ASTN2: variants seen among roughly 807,000 people sequenced by gnomAD.
ASTN2 encodes the protein astrotactin-2.
ASTN2 carries 54 observed loss-of-function variants against 139.8 expected under a neutral mutation model. The ratio of observed to expected loss-of-function variants is 0.39; its 90% CI spans 0.31 to 0.48. The LOEUF (loss-of-function observed/expected upper bound fraction) is 0.48. Among genes scored for constraint, ASTN2 ranks in the 20% least tolerant of loss-of-function variants. ASTN2 has a pLI of 0.95. For missense variants in ASTN2, 1,565 were observed against 1,725.1 expected (o/e 0.91, Z 1.64); for synonymous variants, 756 against 719.5 (o/e 1.05, Z -0.81).
chr9:117,279,636 G>T (rs529309127), intron 2 of ASTN2, among the ~76,000 whole-genome samples: 133 of 152,270 alleles, frequency 8.7e-4, no homozygotes, highest in African/African-American at 3.2e-3. Flanking sequence ...TATTTTGAAA[G>T]AATTATAGAC....
intron 20 of ASTN2, among the ~76,000 whole-genome samples, chr9:116,458,323 G>A (rs1241584806): frequency 6.6e-6 from 1 of 151,756 alleles, no homozygotes; most frequent in East Asian, 1.9e-4. Flanking sequence ...AGTGACTACA[G>A]TCAACAATTT....
rs117251951 is a variant in ASTN2 at position 117,323,278 on chromosome 9, C to A, written c.443-31765G>T. 2.1e-4 allele frequency among the ~76,000 whole-genome samples: 32 copies of A among 152,208 alleles called. No individual in the cohort carries two copies. The East Asian group carries it at 6.2e-3, about 29-fold the overall frequency. On this transcript the variant is annotated intron_variant, in intron 1 of 22. Transcript: ENST00000313400. The stretch of plus-strand genomic sequence containing the variant: ...TCTGTGCACAGTCTGTCTGCCCCAC[C>A]TCTGACCCCCCAAAGCCTCATTCTC...
intron 1 of ASTN2, among the ~76,000 whole-genome samples, chr9:117,335,485 A>G (rs376901500): frequency 4.6e-5 from 7 of 152,302 alleles, no homozygotes; most frequent in African/African-American, 1.7e-4. Context: ...TGTATGATGC[A>G]AATTATCTGA....
chr9:117,401,356 A>G lies in ASTN2; in HGVS notation c.442+13141T>C, dbSNP rs140025461. ...ATTGAGATAGCTGAGAGTGTGGTGT[A>G]TAAGGGTGCTACTTTGGTCCGGGAA... On this transcript the variant is annotated intron_variant, in intron 1 of 22. Transcript: ENST00000313400. Among the ~76,000 whole-genome samples the G allele has an allele frequency of 1.8e-3, 278 of 152,314 alleles. 2 individuals are homozygous for G. Among genetic ancestry groups the G allele is most frequent in the African/African-American group, 6.3e-3 (260 of 41,568 alleles).
At chr9:117,048,537 ATGGAATGGGG>A (rs1157780874) in intron 5 of ASTN2, among the ~76,000 whole-genome samples, 1 of 152,180 alleles carries the variant, frequency 6.6e-6, no homozygotes, top group Non-Finnish European at 1.5e-5. Context: ...GGCAGCTGAC[ATGGAATGGGG>A]CTACAAACGG....
chr9:116,733,460 C>T lies in ASTN2; in HGVS notation c.2460G>A (p.Pro820=), dbSNP rs143522238. 2.2e-5 allele frequency: 36 copies of T among 1,614,010 alleles called. No individual in the cohort carries two copies. Among genetic ancestry groups the T allele is most frequent in the Admixed American group, 1.7e-4 (10 of 60,000 alleles). ...GGACCCCCCGGCACTGCTCCTCCAC[C>T]GGCAGCGGGATCACCAACAGCCCAT... The part of the protein sequence containing the change: ...LADGLLVIPL[P]VEEQCRGVLS... Residue 820 remains proline, a synonymous_variant, in exon 14 of 23, where the codon CCG becomes CCA. Coordinates refer to ENST00000313400, the MANE Select transcript of ASTN2 (RefSeq NM_001365068.1).
At chr9:116,816,154 AT>A (rs1831321550) in intron 12 of ASTN2, among the ~76,000 whole-genome samples, 2 of 152,068 alleles carry the variant, frequency 1.3e-5, no homozygotes, top group Non-Finnish European at 2.9e-5. Flanking sequence ...CCTTTTAAAA[AT>A]ATATTGTCTT....
chr9:116,658,334 G>A (rs987712102), intron 16 of ASTN2, among the ~76,000 whole-genome samples: 5 of 152,150 alleles, frequency 3.3e-5, no homozygotes, highest in African/African-American at 1.2e-4. Flanking sequence ...AGAAGGAGCT[G>A]CATGGGGATT....
At chr9:116,991,575 C>T (rs530835373) in intron 7 of ASTN2, among the ~76,000 whole-genome samples, 181 of 135,402 alleles carry the variant, frequency 1.3e-3, no homozygotes, top group African/African-American at 4.5e-3. Context: ...GTGAATACTT[C>T]TCCCTCTTAT....
At chr9:117,093,130 C>T (rs1227328687) in intron 5 of ASTN2, among the ~76,000 whole-genome samples, 1 of 152,154 alleles carries the variant, frequency 6.6e-6, no homozygotes, top group Non-Finnish European at 1.5e-5. Flanking sequence ...TCCACCCGTC[C>T]ACTCTCCCAT....
intron 19 of ASTN2, among the ~76,000 whole-genome samples, chr9:116,516,965 C>A (rs1466041081): frequency 6.6e-6 from 1 of 152,180 alleles, no homozygotes; most frequent in African/African-American, 2.4e-5. Flanking sequence ...TACAGCAAGC[C>A]CCACACAAGG....
intron 7 of ASTN2, among the ~76,000 whole-genome samples, chr9:116,991,300 G>A (rs930767906): frequency 6.6e-6 from 1 of 152,128 alleles, no homozygotes; most frequent in African/African-American, 2.4e-5. Flanking sequence ...CTCCCTACAG[G>A]CAGTATCAAA....
At chr9:116,632,107 T>TG (rs1210104015) in intron 17 of ASTN2, among the ~76,000 whole-genome samples, 2 of 135,382 alleles carry the variant, frequency 1.5e-5, no homozygotes, top group Non-Finnish European at 3.1e-5. Flanking sequence ...AGTGAGACTG[T>TG]GTCAAAAGAA....
intron 2 of ASTN2, among the ~76,000 whole-genome samples, chr9:117,244,652 G>A (rs893869933): frequency 5.5e-5 from 8 of 144,508 alleles, no homozygotes; most frequent in Non-Finnish European, 1.1e-4. Context: ...AGGAAGTAGG[G>A]AAGGGAGTGA....
intron 20 of ASTN2, among the ~76,000 whole-genome samples, chr9:116,461,998 G>T (rs1215824742): frequency 6.6e-6 from 1 of 152,048 alleles, no homozygotes; most frequent in African/African-American, 2.4e-5. Flanking sequence ...TCCTCATGTT[G>T]GCCTGTTAAA....
At chr9:116,941,390 A>T (rs1302285109) in intron 10 of ASTN2, among the ~76,000 whole-genome samples, 1 of 151,966 alleles carries the variant, frequency 6.6e-6, no homozygotes, top group African/African-American at 2.4e-5. Context: ...ATTTCTGTAC[A>T]CCTTTCACCC....
intron 13 of ASTN2, 91 bp downstream of exon 13, chr9:116,805,540 GT>G: frequency 8.4e-7 from 1 of 1,186,524 alleles, no homozygotes; most frequent in Non-Finnish European, 1.2e-6. Context: ...AGAATAACAG[GT>G]CTCTACCCCA....
intron 10 of ASTN2, among the ~76,000 whole-genome samples, chr9:116,930,296 A>G (rs1324111032): frequency 6.6e-6 from 1 of 152,192 alleles, no homozygotes; most frequent in Non-Finnish European, 1.5e-5. Context: ...GTGCCTATTG[A>G]GCAGTCAGAA....
At chr9:116,965,377 G>A (rs1258932829) in intron 10 of ASTN2, among the ~76,000 whole-genome samples, 1 of 152,126 alleles carries the variant, frequency 6.6e-6, no homozygotes, top group Non-Finnish European at 1.5e-5. Flanking sequence ...CTAATGATAA[G>A]CCAGGGTTGG....
Sources: allele counts gnomAD v4.1 joint callset (sites outside exome capture counted in the v4.1 genomes callset), GRCh38; gene constraint gnomAD v4.1.1; transcripts MANE v1.5; gene names NCBI Gene and HGNC (gene_info 2026-07-23, HGNC 2026-07-21).